Variants in MSANTD2 observed in about 807,000 individuals in gnomAD.
The protein encoded by MSANTD2 is myb/SANT-like DNA-binding domain-containing protein 2.
Under a neutral mutation model 52.6 loss-of-function variants are expected in MSANTD2, and 19 were observed. The observed-to-expected ratio is 0.36, with a 90% confidence interval of 0.25 to 0.53. MSANTD2 has a LOEUF of 0.53. MSANTD2 is among the 20% of genes least tolerant of loss of function. MSANTD2 has a pLI of 0.91. For missense variants in MSANTD2, 558 were observed against 716.3 expected, an observed-to-expected ratio of 0.78 and a Z score of 2.52; for synonymous variants, 291 against 289.7, an observed-to-expected ratio of 1.00 and a Z score of -0.04.
rs774558386 is a variant in MSANTD2, at chr11:124,767,857, A to G, written c.999T>C (p.Ala333=). 8.7e-6 allele frequency: 14 copies of G among 1,614,274 alleles called. No individual in the cohort carries two copies. The East Asian group carries it at 2.9e-4, about 33-fold the overall frequency. ...CAAGGGGCACCTGGGAGCTGATCTC[A>G]GCATAATGGTAACGGATATCCTCTT... ...RWKEDIRYHY[A]EISSQVPLGK... Residue 333 remains alanine, a synonymous_variant, in exon 4 of 4, where the codon GCT becomes GCC. Transcript: ENST00000374979. The surrounding 1 kb of genome is among the most constrained non-coding windows in gnomAD (Gnocchi z 6.5).
intron 3 of MSANTD2, among the ~76,000 whole-genome samples, chr11:124,771,918 A>G (rs1944538065): frequency 6.6e-6 from 1 of 152,248 alleles, no homozygotes; most frequent in South Asian, 2.1e-4. Context: ...CAGGTAAAAA[A>G]AATGAATGGC....
chr11:124,770,482 G>A (rs1409188765), intron 3 of MSANTD2, among the ~76,000 whole-genome samples: 1 of 151,928 alleles, frequency 6.6e-6, no homozygotes, highest in Non-Finnish European at 1.5e-5. Context: ...AATTTTTGTG[G>A]AGATGAGAGT....
chr11:124,780,345 A>G (rs1197048560), intron 1 of MSANTD2, among the ~76,000 whole-genome samples: 1 of 152,214 alleles, frequency 6.6e-6, no homozygotes, highest in East Asian at 1.9e-4. Context: ...TGACAAACTG[A>G]CTTGCCAATC....
At chr11:124,791,429 A>G (rs1945329359) in intron 1 of MSANTD2, 2 of 1,321,416 alleles carry the variant, frequency 1.5e-6, no homozygotes, top group African/African-American at 1.4e-5. Flanking sequence ...GTGAGTGAGA[A>G]GCACAGACTT....
chr11:124,789,600 G>A (rs778062503), intron 1 of MSANTD2: 2 of 151,812 alleles, frequency 1.3e-5, no homozygotes, highest in South Asian at 4.2e-4. Flanking sequence ...CCTACTAAGT[G>A]AAAAGGTAAC....
In MSANTD2 at chr11:124,800,165, GC is replaced by G. The variant is rs1236050190; in HGVS notation, c.215del (p.Gly72AlafsTer108). The part of the protein sequence containing the change: ...ASGGLGLGLG[G>X]RSAASSSVSF... ...AGACCGAGGACGAGGCGGCGCTGCG[GC>G]CCCCCAGCCCCAGCCCGAGACCCCC... On this transcript the variant is annotated frameshift_variant, in exon 1 of 4. Coordinates refer to ENST00000374979, the MANE Select transcript of MSANTD2 (RefSeq NM_001308027.2). LOFTEE classifies it high-confidence loss of function. This position sits in a 1 kb window ranked among gnomAD's most constrained non-coding sequence, Gnocchi z 4.3. 3.4e-6 allele frequency: 5 copies of G among 1,461,972 alleles called. No homozygotes were observed. The highest frequency in any genetic ancestry group is 2.9e-5 in the East Asian group (1 of 33,924). 90.6% of individuals were successfully genotyped at this position (1,461,972 alleles called of 1,614,324 possible).
In MSANTD2 at chr11:124,779,806, A is replaced by G. The variant is rs923634252; in HGVS notation, c.511-4832T>C. On this transcript the variant is annotated intron_variant, in intron 1 of 3. Coordinates refer to ENST00000374979, the MANE Select transcript of MSANTD2 (RefSeq NM_001308027.2). The surrounding 1 kb of genome is among the most constrained non-coding windows in gnomAD (Gnocchi z 4.6). ...TGAGATTCCTTTTACCCAAATGATT[A>G]AAGAGCACACTTATTCACAAACAAG... Among the ~76,000 whole-genome samples the G allele has an allele frequency of 1.3e-5, 2 of 152,228 alleles. No individual in the cohort carries two copies. The highest frequency in any genetic ancestry group is 2.9e-5 in the Non-Finnish European group (2 of 68,040).
At chr11:124,770,343 C>T (rs1465058535) in intron 3 of MSANTD2, among the ~76,000 whole-genome samples, 2 of 149,482 alleles carry the variant, frequency 1.3e-5, no homozygotes, top group East Asian at 3.9e-4. Context: ...CAGGATCTTG[C>T]TCTGTCACCC....
chr11:124,778,960 A>G (rs1195073889), intron 1 of MSANTD2: 2 of 152,218 alleles, frequency 1.3e-5, no homozygotes, highest in Non-Finnish European at 2.9e-5. Context: ...CCAGGGTTAC[A>G]GTACACGTAA....
chr11:124,787,163 T>C (rs1269537358), intron 1 of MSANTD2, among the ~76,000 whole-genome samples: 1 of 152,178 alleles, frequency 6.6e-6, no homozygotes, highest in Non-Finnish European at 1.5e-5. Flanking sequence ...AGTCACACCA[T>C]ATGGAGACCA....
At position 124,767,057 on chromosome 11, in the gene MSANTD2, T is replaced by C. The variant is rs1056972840; in HGVS notation, c.*119A>G. ...TCCTTAGAAGTCGTACTGGCCCAAT[T>C]GAAGAAAGGGTTTCCATGAAGAGTC... On this transcript the variant is annotated 3_prime_UTR_variant, in exon 4 of 4. Coordinates refer to ENST00000374979, the MANE Select transcript of MSANTD2 (RefSeq NM_001308027.2). The surrounding 1 kb of genome is among the most constrained non-coding windows in gnomAD (Gnocchi z 6.5). 7.6e-6 allele frequency: 8 copies of C among 1,055,660 alleles called. No homozygotes were observed. The African/African-American group carries it at 1.3e-4, about 17-fold the overall frequency. 65.4% of individuals were successfully genotyped at this position (1,055,660 alleles called of 1,614,324 possible).
intron 3 of MSANTD2, among the ~76,000 whole-genome samples, chr11:124,770,314 G>GC (rs1944458547): frequency 7.0e-6 from 1 of 143,242 alleles, no homozygotes; most frequent in Non-Finnish European, 1.5e-5. Context: ...TTGTTTGTTT[G>GC]TTTTTTTTTT....
At position 124,800,025 on chromosome 11, in the gene MSANTD2, T is replaced by C. The variant is rs1014352505; in HGVS notation, c.356A>G (p.Glu119Gly). The C allele has an allele frequency of 6.3e-7, 1 of 1,582,590 alleles. No homozygotes were observed. The highest frequency in any genetic ancestry group is 8.5e-7 in the Non-Finnish European group (1 of 1,173,696). ...TNALIAVWGN[E>G]RLVEARYQQL... ...CTGGTACCGCGCCTCCACCAGCCGCTCGTTGCCCCACACTGCGATGAGCGC... is the reference window on the plus strand; with the variant it reads ...CTGGTACCGCGCCTCCACCAGCCGCCCGTTGCCCCACACTGCGATGAGCGC... Residue 119 changes from glutamate (E) to glycine (G), a missense_variant, in exon 1 of 4, where the codon GAG (glutamate) becomes GGG (glycine). Glu to Gly is a moderately conservative substitution (Grantham distance 98, BLOSUM62 -2). Around this residue, in one of 2 missense-constraint regions of MSANTD2, gnomAD observed 408 missense variants for 573.6 expected, o/e 0.71. Transcript: ENST00000374979. This position sits in a 1 kb window ranked among gnomAD's most constrained non-coding sequence, Gnocchi z 4.3.
chr11:124,791,418 G>A lies in MSANTD2; in HGVS notation c.510+8453C>T, dbSNP rs1945329005. 4 of 1,333,484 alleles carry A rather than the reference G, an allele frequency of 3.0e-6. No individual in the cohort carries two copies. In the Admixed American group the frequency reaches 6.8e-5, roughly 23 times the overall value. 82.6% of individuals were successfully genotyped at this position (1,333,484 alleles called of 1,614,324 possible). A position where few individuals can be genotyped will look rare whatever the true frequency, so the allele number is the denominator to read the frequency against. ...CAAAACCTTAGAACTCAGTGTACAG[G>A]GTGAGTGAGAAGCACAGACTTCCGG... On this transcript the variant is annotated intron_variant, in intron 1 of 3. Coordinates refer to ENST00000374979, the MANE Select transcript of MSANTD2 (RefSeq NM_001308027.2).
At chr11:124,788,402 C>A (rs1454490159) in intron 1 of MSANTD2, among the ~76,000 whole-genome samples, 1 of 152,174 alleles carries the variant, frequency 6.6e-6, no homozygotes, top group African/African-American at 2.4e-5. Flanking sequence ...AGACTTACCA[C>A]TACTGTTTCT....
chr11:124,796,138 C>T (rs1164270270), intron 1 of MSANTD2, among the ~76,000 whole-genome samples: 2 of 152,054 alleles, frequency 1.3e-5, no homozygotes, highest in Admixed American at 1.3e-4. Context: ...GTCTCAAAAT[C>T]CAAGAGTTAA....
Position 124,791,556 on chromosome 11 carries a change from CCAATGTGA to C in MSANTD2, c.510+8307_510+8314del, listed in dbSNP as rs2135267575. The stretch of plus-strand genomic sequence containing the variant: ...CAGAAGGGTGCAGACAGAAGGGTCA[CCAATGTGA>C]CCCTGAGCTGCCAGTCTCCGAGGAG... On this transcript the variant is annotated intron_variant, in intron 1 of 3. Coordinates refer to ENST00000374979, the MANE Select transcript of MSANTD2 (RefSeq NM_001308027.2). The C allele has an allele frequency of 6.5e-6, 8 of 1,235,398 alleles. No individual in the cohort carries two copies. In the East Asian group the frequency reaches 1.9e-4, roughly 29 times the overall value. The allele number at this position is 1,235,398 out of a possible 1,614,324, so 76.5% of individuals were successfully genotyped here.
chr11:124,797,657 A>G lies in MSANTD2; in HGVS notation c.510+2214T>C, dbSNP rs567179154. ...AAAAAGTCTGGGTTCTTTGATTGAA[A>G]TCACATAAAGAGTAGAGCACTTTAA... On this transcript the variant is annotated intron_variant, in intron 1 of 3. Coordinates refer to ENST00000374979, the MANE Select transcript of MSANTD2 (RefSeq NM_001308027.2). 3.3e-5 allele frequency among the ~76,000 whole-genome samples: 5 copies of G among 152,360 alleles called. No homozygotes were observed. In the South Asian group the frequency reaches 1.0e-3, roughly 32 times the overall value.
chr11:124,799,980 G>A lies in MSANTD2; in HGVS notation c.401C>T (p.Thr134Met), dbSNP rs751745384. 2 of 1,584,636 alleles carry A rather than the reference G, an allele frequency of 1.3e-6. No individual in the cohort carries two copies. The highest frequency in any genetic ancestry group is 1.1e-5 in the South Asian group (1 of 89,252). Reference sequence around the variant, plus strand: ...CCCGGGGGCCTTGCTGCCGAACACCGTGCCGGCTCCCTCCAGCTGCTGGTA... The same window carrying A: ...CCCGGGGGCCTTGCTGCCGAACACCATGCCGGCTCCCTCCAGCTGCTGGTA... ...ARYQQLEGAGTVFGSKAPGPA... is the reference protein window; with the variant it reads ...ARYQQLEGAGMVFGSKAPGPA... Residue 134 changes from threonine (T) to methionine (M), a missense_variant, in exon 1 of 4, where the codon ACG becomes ATG. Around this residue, in one of 2 missense-constraint regions of MSANTD2, gnomAD observed 408 missense variants for 573.6 expected, o/e 0.71. Transcript: ENST00000374979.
Sources: gnomAD v4.1 joint callset for allele counts (sites outside exome capture counted in the v4.1 genomes callset) on GRCh38, gnomAD v4.1.1 for gene constraint, gnomAD v4.1.1 regional missense constraint, Gnocchi (gnomAD v3.1) non-coding constraint, MANE v1.5 for transcripts, NCBI Gene and HGNC (gene_info 2026-07-23, HGNC 2026-07-21) for gene names.